Variants in ABAT observed in about 807,000 individuals in gnomAD.
The protein encoded by ABAT is 4-aminobutyrate aminotransferase, mitochondrial.
A neutral mutation model predicts 64.6 loss-of-function variants in ABAT; 45 were observed. The ratio of observed to expected loss-of-function variants is 0.70; its 90% CI spans 0.55 to 0.89. The LOEUF (loss-of-function observed/expected upper bound fraction) is 0.89. ABAT is among the 40% of genes least tolerant of loss of function. ABAT has a pLI of 0.00. For synonymous variants in ABAT, 297 were observed against 250.5 expected (o/e 1.19, Z -1.75); for missense variants, 633 against 658.4 (o/e 0.96, Z 0.42).
chr16:8,746,884 A>G (rs1731030), intron 3 of ABAT, among the ~76,000 whole-genome samples: 150,786 of 152,232 alleles, frequency 0.99, 74,689 homozygotes, highest in Middle Eastern at 1. Context: ...AGCTCTGTTG[A>G]GCAGACAGCT....
At chr16:8,757,729 G>T in intron 5 of ABAT, 28 bp from the exon 6 acceptor site, 1 of 1,612,414 alleles carries the variant, frequency 6.2e-7, no homozygotes, top group Non-Finnish European at 8.5e-7. Flanking sequence ...ATGCAATGAG[G>T]TCTCTAACAA....
At chr16:8,709,997 C>T (rs1179647499) in intron 1 of ABAT, among the ~76,000 whole-genome samples, 1 of 151,894 alleles carries the variant, frequency 6.6e-6, no homozygotes, top group Admixed American at 6.6e-5. Flanking sequence ...TTTTTTTATA[C>T]AGACCTGCTT....
chr16:8,719,624 A>G (rs1289623415), intron 1 of ABAT, among the ~76,000 whole-genome samples: 1 of 152,144 alleles, frequency 6.6e-6, no homozygotes, highest in East Asian at 1.9e-4. Context: ...TGGTAGCAGG[A>G]CCACCGCATG....
intron 1 of ABAT, among the ~76,000 whole-genome samples, chr16:8,727,700 C>T (rs144168858): frequency 2.6e-5 from 4 of 152,240 alleles, no homozygotes; most frequent in East Asian, 1.9e-4. Flanking sequence ...ATTTTCTTTC[C>T]GCTCATAGTT....
rs1467514776 is a variant in ABAT, at chr16:8,764,974, T to A, written c.540+144T>A. The stretch of plus-strand genomic sequence containing the variant: ...GTTAAAATACAGGGAGGGCCACTGC[T>A]GGATGGTACTTTGAGACGGCACAGT... On this transcript the variant is annotated intron_variant, in intron 8 of 15. Coordinates refer to ENST00000268251, the MANE Select transcript of ABAT (RefSeq NM_020686.6). This position sits in a 1 kb window ranked among gnomAD's most constrained non-coding sequence, Gnocchi z 4.2. 1.2e-6 allele frequency: 1 copy of A among 800,648 alleles called. No homozygotes were observed. Among genetic ancestry groups the A allele is most frequent in the Non-Finnish European group, 2.1e-6 (1 of 475,944 alleles). 49.6% of individuals were successfully genotyped at this position (800,648 alleles called of 1,614,324 possible). A position where few individuals can be genotyped will look rare whatever the true frequency, so the allele number is the denominator to read the frequency against.
At chr16:8,691,760 GT>G (rs2057588398) in intron 1 of ABAT, among the ~76,000 whole-genome samples, 2 of 152,168 alleles carry the variant, frequency 1.3e-5, no homozygotes, top group African/African-American at 4.8e-5. Flanking sequence ...TTTTGGCAAG[GT>G]CTGGAGATGC....
intron 1 of ABAT, among the ~76,000 whole-genome samples, chr16:8,689,086 A>C (rs912659909): frequency 2.0e-5 from 3 of 152,060 alleles, no homozygotes; most frequent in Non-Finnish European, 2.9e-5. Flanking sequence ...TCTCAAAAAA[A>C]AAAAAAAAAA....
At chr16:8,726,943 G>A (rs958443360) in intron 1 of ABAT, among the ~76,000 whole-genome samples, 2 of 152,158 alleles carry the variant, frequency 1.3e-5, no homozygotes, top group Admixed American at 1.3e-4. Flanking sequence ...GATGATCAGT[G>A]ATGTCAAGCA....
At chr16:8,749,597 C>G (rs1439949268) in intron 4 of ABAT, among the ~76,000 whole-genome samples, 1 of 151,498 alleles carries the variant, frequency 6.6e-6, no homozygotes, top group African/African-American at 2.4e-5. Flanking sequence ...CAAGATTTCA[C>G]CATGTTGAGG....
chr16:8,772,925 G>A lies in ABAT; in HGVS notation c.954+8G>A, dbSNP rs769233174. 1.2e-6 allele frequency: 2 copies of A among 1,613,304 alleles called. No individual in the cohort carries two copies. Among genetic ancestry groups the A allele is most frequent in the Admixed American group, 1.7e-5 (1 of 59,998 alleles). On this transcript the variant is annotated splice_region_variant and intron_variant, in intron 12 of 15. Coordinates refer to ENST00000268251, the MANE Select transcript of ABAT (RefSeq NM_020686.6). ...AGAGACATCGCCAGGAAGGTCAGTG[G>A]ACAGGGCCGAGGTTGGATGGAGCCA...
intron 5 of ABAT, among the ~76,000 whole-genome samples, chr16:8,755,466 A>T (rs143122041): frequency 6.6e-6 from 1 of 152,346 alleles, no homozygotes; most frequent in South Asian, 2.1e-4. Context: ...TAGAAACTCA[A>T]GTCAAACAAA....
At chr16:8,694,093 G>A (rs1567272851) in intron 1 of ABAT, among the ~76,000 whole-genome samples, 1 of 151,206 alleles carries the variant, frequency 6.6e-6, no homozygotes, top group African/African-American at 2.4e-5. Flanking sequence ...ACAGTGGCAC[G>A]ATCTCCGCTC....
intron 1 of ABAT, among the ~76,000 whole-genome samples, chr16:8,721,355 G>A (rs1443952073): frequency 3.3e-5 from 5 of 152,214 alleles, no homozygotes; most frequent in African/African-American, 7.2e-5. Context: ...AGGGCCCACC[G>A]TCCACTCTTT....
chr16:8,726,262 C>CTTTTTTTTTTTTTTTTTTT (rs71152921), intron 1 of ABAT, among the ~76,000 whole-genome samples: 1 of 120,818 alleles, frequency 8.3e-6, no homozygotes, highest in Admixed American at 9.9e-5. Flanking sequence ...ATGACTAGAT[C>CTTTTTTTTTTTTTTTTTTT]TTTTTTTTTT....
chr16:8,709,474 A>G (rs2058022682), intron 1 of ABAT, among the ~76,000 whole-genome samples: 1 of 152,080 alleles, frequency 6.6e-6, no homozygotes, highest in African/African-American at 2.4e-5. Context: ...CCTGGGTTCA[A>G]GCGATTCTCC....
At chr16:8,766,615 A>G (rs1309138209) in intron 9 of ABAT, among the ~76,000 whole-genome samples, 2 of 151,828 alleles carry the variant, frequency 1.3e-5, no homozygotes, top group African/African-American at 4.8e-5. Context: ...AGATCACACC[A>G]CTACACTCCA....
chr16:8,700,339 C>T (rs2057792997), intron 1 of ABAT, among the ~76,000 whole-genome samples: 4 of 152,162 alleles, frequency 2.6e-5, no homozygotes, highest in Non-Finnish European at 4.4e-5. Context: ...AATAACTTAA[C>T]ATAGCAAAGT....
At chr16:8,756,799 G>C (rs946626237) in intron 5 of ABAT, among the ~76,000 whole-genome samples, 3 of 152,214 alleles carry the variant, frequency 2.0e-5, no homozygotes, top group African/African-American at 7.2e-5. Context: ...TGAGATATGA[G>C]AGTGTCACAA....
intron 1 of ABAT, among the ~76,000 whole-genome samples, chr16:8,732,217 G>T (rs1640993): frequency 0.9 from 119,753 of 132,534 alleles, 54,176 homozygotes; most frequent in Non-Finnish European, 0.95. Flanking sequence ...TTGTTTGTTT[G>T]TTTTTTTAAT....
Sources: allele counts gnomAD v4.1 joint callset (sites outside exome capture counted in the v4.1 genomes callset), GRCh38; gene constraint gnomAD v4.1.1; non-coding constraint Gnocchi (gnomAD v3.1); transcripts MANE v1.5; gene names NCBI Gene and HGNC (gene_info 2026-07-23, HGNC 2026-07-21).